The following PALM2AKAP2 variants were observed in gnomAD, a reference collection of about 807,000 sequenced individuals.
PALM2AKAP2 encodes PALM2-AKAP2 fusion protein.
In PALM2AKAP2, 37 loss-of-function variants were observed where a neutral mutation model predicts 71.5. That is an observed-to-expected ratio of 0.52 (90% CI 0.40 to 0.68). The LOEUF is 0.68. PALM2AKAP2 is among the 30% of genes least tolerant of loss of function. The pLI is 0.00. For missense variants in PALM2AKAP2, 1,224 were observed against 1,191.8 expected (o/e 1.03, Z -0.40); for synonymous variants, 468 against 478.8 (o/e 0.98, Z 0.29).
At chr9:109,902,147 C>A (rs986419301) in intron 3 of PALM2AKAP2, among the ~76,000 whole-genome samples, 1 of 152,200 alleles carries the variant, frequency 6.6e-6, no homozygotes. Context: ...AGCCTCACAT[C>A]TCATTAACTA....
intron 3 of PALM2AKAP2, among the ~76,000 whole-genome samples, chr9:109,892,812 T>C (rs1269667199): frequency 1.3e-5 from 2 of 152,264 alleles, no homozygotes; most frequent in South Asian, 2.1e-4. Flanking sequence ...AGATCAACTT[T>C]ATTGGGGAGG....
At chr9:109,735,622 G>C (rs1828618680) in intron 1 of PALM2AKAP2, among the ~76,000 whole-genome samples, 1 of 152,148 alleles carries the variant, frequency 6.6e-6, no homozygotes, top group Non-Finnish European at 1.5e-5. Flanking sequence ...TCTGTTGCAT[G>C]ATTAAGAAGT....
At chr9:110,025,857 C>CT (rs1302902228) in intron 7 of PALM2AKAP2, among the ~76,000 whole-genome samples, 3 of 152,016 alleles carry the variant, frequency 2.0e-5, no homozygotes, top group Non-Finnish European at 2.9e-5. Flanking sequence ...GCTTGATTTC[C>CT]TTTTTTGCCA....
chr9:110,153,852 G>A (rs1836381243), intron 2 of PALM2AKAP2, among the ~76,000 whole-genome samples: 1 of 152,218 alleles, frequency 6.6e-6, no homozygotes, highest in Non-Finnish European at 1.5e-5. Flanking sequence ...ATGTGAAAAT[G>A]GCCTTCACAG....
At chr9:110,117,021 A>G (rs1835378105) in intron 1 of PALM2AKAP2, among the ~76,000 whole-genome samples, 1 of 152,244 alleles carries the variant, frequency 6.6e-6, no homozygotes, top group Non-Finnish European at 1.5e-5. Context: ...GTAACTTTTT[A>G]ATTTATGTAT....
At chr9:109,702,764 AAG>A (rs1491184436) in intron 1 of PALM2AKAP2, among the ~76,000 whole-genome samples, 12 of 151,152 alleles carry the variant, frequency 7.9e-5, no homozygotes, top group African/African-American at 2.2e-4. Flanking sequence ...AAAAAAAAAA[AAG>A]AAAATAAATC....
intron 1 of PALM2AKAP2, among the ~76,000 whole-genome samples, chr9:109,709,730 C>T (rs138574028): frequency 2.0e-5 from 3 of 152,184 alleles, no homozygotes; most frequent in African/African-American, 7.2e-5. Flanking sequence ...AGGGAATGCA[C>T]CAAGGAGACC....
intron 2 of PALM2AKAP2, among the ~76,000 whole-genome samples, chr9:109,875,394 C>T (rs1226539220): frequency 1.3e-5 from 2 of 152,154 alleles, no homozygotes; most frequent in African/African-American, 4.8e-5. Flanking sequence ...GGGATGAAGG[C>T]TTGAGTGAGA....
chr9:110,027,942 A>G (rs930472571), intron 7 of PALM2AKAP2, among the ~76,000 whole-genome samples: 12 of 152,224 alleles, frequency 7.9e-5, no homozygotes, highest in African/African-American at 2.9e-4. Flanking sequence ...CATTTGGGAC[A>G]GAAAACCTTT....
At position 110,073,993 on chromosome 9, in the gene PALM2AKAP2, A is replaced by T. The variant is rs139626510; in HGVS notation, c.156+25138A>T. ...GAGAAACTTGGCAGATACCACCCTA[A>T]TCAAATAATCAAATCTAACACCATT... is the stretch of plus-strand genomic sequence containing the variant. On this transcript the variant is annotated intron_variant, in intron 1 of 3. Transcript: ENST00000374525. 3.1e-3 allele frequency among the ~76,000 whole-genome samples: 465 copies of T among 152,334 alleles called. 5 individuals are homozygous for T. Among genetic ancestry groups the T allele is most frequent in the African/African-American group, 0.011 (454 of 41,572 alleles).
At chr9:109,795,073 C>T (rs10980044) in intron 1 of PALM2AKAP2, among the ~76,000 whole-genome samples, 27,223 of 152,116 alleles carry the variant, frequency 0.18, 2,843 homozygotes, top group East Asian at 0.34. Flanking sequence ...ACTGAAGTAC[C>T]ATTAACACTT....
chr9:109,701,282 C>A (rs1828051452), intron 1 of PALM2AKAP2, among the ~76,000 whole-genome samples: 1 of 152,150 alleles, frequency 6.6e-6, no homozygotes. Context: ...GCCCACATTG[C>A]CAAGTCAATC....
intron 6 of PALM2AKAP2, among the ~76,000 whole-genome samples, chr9:109,970,952 A>T (rs979324828): frequency 2.0e-4 from 30 of 152,252 alleles, no homozygotes; most frequent in African/African-American, 7.0e-4. Context: ...TACAAAAAAA[A>T]TTTAAAAAAT....
intron 1 of PALM2AKAP2, among the ~76,000 whole-genome samples, chr9:109,789,892 T>C (rs1006995385): frequency 2.6e-5 from 4 of 152,140 alleles, no homozygotes; most frequent in African/African-American, 9.7e-5. Flanking sequence ...GATTATTAAA[T>C]ACACACAGAA....
chr9:110,171,600 C>T (rs907039875), exon 4 of PALM2AKAP2: 2 of 152,184 alleles, frequency 1.3e-5, no homozygotes, highest in African/African-American at 4.8e-5. Context: ...GTGCTAGGCT[C>T]TGGGATCCCA....
chr9:109,802,141 A>G (rs1827449121), intron 1 of PALM2AKAP2, among the ~76,000 whole-genome samples: 1 of 152,208 alleles, frequency 6.6e-6, no homozygotes, highest in African/African-American at 2.4e-5. Context: ...TTTCTCTAAA[A>G]ATGCATAGCA....
intron 1 of PALM2AKAP2, among the ~76,000 whole-genome samples, chr9:109,764,432 C>T (rs715877): frequency 0.12 from 17,812 of 152,012 alleles, 1,266 homozygotes; most frequent in Admixed American, 0.18. Flanking sequence ...CTACCTCCCC[C>T]CTAGCCCCCA....
chr9:109,733,897 T>G (rs1440074798), intron 1 of PALM2AKAP2, among the ~76,000 whole-genome samples: 4 of 152,228 alleles, frequency 2.6e-5, no homozygotes, highest in Non-Finnish European at 5.9e-5. Context: ...GTTACATTTC[T>G]TTTGCACCAC....
intron 2 of PALM2AKAP2, among the ~76,000 whole-genome samples, chr9:110,147,856 C>T (rs9696126): frequency 0.14 from 20,975 of 152,142 alleles, 1,755 homozygotes; most frequent in Non-Finnish European, 0.18. Flanking sequence ...AATAAATAAC[C>T]GAACACACAT....
Sources: gnomAD v4.1 joint callset for allele counts (sites outside exome capture counted in the v4.1 genomes callset) on GRCh38, gnomAD v4.1.1 for gene constraint, MANE v1.5 for transcripts, NCBI Gene and HGNC (gene_info 2026-07-23, HGNC 2026-07-21) for gene names.